TEX9: variants seen among roughly 807,000 people sequenced by gnomAD.
TEX9 encodes testis-expressed protein 9.
Under a neutral mutation model 59.6 loss-of-function variants are expected in TEX9, and 74 were observed. The ratio of observed to expected loss-of-function variants is 1.24; its 90% confidence interval spans 1.03 to 1.51. TEX9 has a LOEUF of 1.51. TEX9 is among the 40% of genes most tolerant of loss of function. TEX9 has a pLI of 0.00. For missense variants in TEX9, 522 were observed against 447.8 expected (o/e 1.17, Z -1.49); for synonymous variants, 186 against 152.2 (o/e 1.22, Z -1.64).
intron 1 of TEX9, among the ~76,000 whole-genome samples, chr15:56,310,678 G>A (rs2141620298): frequency 6.6e-6 from 1 of 152,296 alleles, no homozygotes; most frequent in African/African-American, 2.4e-5. Flanking sequence ...GCCTGGACAG[G>A]TTAAAGATAG....
At chr15:56,430,319 A>G (rs2050549427) in intron 12 of TEX9, among the ~76,000 whole-genome samples, 165 bp downstream of exon 12, 1 of 152,062 alleles carries the variant, frequency 6.6e-6, no homozygotes, top group Non-Finnish European at 1.5e-5. Context: ...CAATCTTCCA[A>G]CCTCAGCCTC....
intron 3 of TEX9, among the ~76,000 whole-genome samples, chr15:56,376,704 T>C (rs2047470665): frequency 6.6e-6 from 1 of 152,120 alleles, no homozygotes; most frequent in African/African-American, 2.4e-5. Context: ...ATTCTGTGGG[T>C]TGTCTCTTTA....
chr15:56,363,443 A>G (rs2046828337), upstream of TEX9, among the ~76,000 whole-genome samples: 1 of 152,022 alleles, frequency 6.6e-6, no homozygotes, highest in Admixed American at 6.6e-5. Context: ...TGCTGGGATT[A>G]CAGGTGTGAG....
chr15:56,405,359 C>T (rs1039130576), intron 9 of TEX9, among the ~76,000 whole-genome samples: 2 of 150,614 alleles, frequency 1.3e-5, no homozygotes, highest in Admixed American at 6.6e-5. Context: ...AAGCAAATTA[C>T]CCAAGGTTAT....
chr15:56,299,085 C>G (rs750034170), intron 1 of TEX9, among the ~76,000 whole-genome samples: 5 of 152,114 alleles, frequency 3.3e-5, no homozygotes, highest in African/African-American at 4.8e-5. Context: ...GATCACAGTA[C>G]CTGGTTTTAA....
At chr15:56,305,377 A>G (rs1363237796) in intron 1 of TEX9, among the ~76,000 whole-genome samples, 5 of 152,208 alleles carry the variant, frequency 3.3e-5, no homozygotes, top group East Asian at 1.9e-4. Flanking sequence ...ACTTCAAATT[A>G]TATTACAGAG....
At chr15:56,347,640 T>TAA (rs35203531) in intron 1 of TEX9, among the ~76,000 whole-genome samples, 6,676 of 152,156 alleles carry the variant, frequency 0.044, 221 homozygotes, top group Admixed American at 0.087. Context: ...GACTTAAACA[T>TAA]AGTTTAAAAG....
intron 9 of TEX9, among the ~76,000 whole-genome samples, chr15:56,401,319 A>C (rs2048762996): frequency 6.7e-6 from 1 of 149,984 alleles, no homozygotes; most frequent in East Asian, 1.9e-4. Flanking sequence ...AAAAAAAAAA[A>C]AAAAAAAAAA....
intron 1 of TEX9, among the ~76,000 whole-genome samples, chr15:56,311,412 C>A (rs200797686): frequency 2.4e-5 from 3 of 125,732 alleles, no homozygotes; most frequent in African/African-American, 5.9e-5. Context: ...TTTGTTCTTG[C>A]GATAGTTTAC....
intron 12 of TEX9, chr15:56,434,001 G>A (rs2050670159): frequency 2.1e-6 from 2 of 958,708 alleles, no homozygotes; most frequent in Admixed American, 2.9e-5. Context: ...AAAATGGTCA[G>A]AAAATTTATA....
At chr15:56,268,257 A>G (rs955061777) in intron 1 of TEX9, among the ~76,000 whole-genome samples, 8 of 152,230 alleles carry the variant, frequency 5.3e-5, no homozygotes, top group Non-Finnish European at 1.0e-4. Flanking sequence ...ATATACAATC[A>G]TGTCATCTGC....
chr15:56,403,814 C>A (rs2048926864), intron 9 of TEX9, among the ~76,000 whole-genome samples: 5 of 152,196 alleles, frequency 3.3e-5, no homozygotes, highest in Admixed American at 3.3e-4. Context: ...ACAGAGCCCT[C>A]AGAAATAATA....
chr15:56,427,693 G>A, exon 11 of TEX9: 1 of 1,518,684 alleles, frequency 6.6e-7, no homozygotes, highest in South Asian at 1.3e-5. Context: ...TTAATGATAG[G>A]GTTCAAGAAA....
chr15:56,313,131 C>T (rs543035949), intron 1 of TEX9, among the ~76,000 whole-genome samples: 41 of 151,740 alleles, frequency 2.7e-4, no homozygotes, highest in African/African-American at 8.5e-4. Context: ...ATTGAATACC[C>T]GTTATTCCCT....
chr15:56,429,044 T>C, intron 12 of TEX9: 1 of 1,122,032 alleles, frequency 8.9e-7, no homozygotes. Flanking sequence ...ACAAAAGTTA[T>C]GCTGACATCT....
intron 3 of TEX9, among the ~76,000 whole-genome samples, chr15:56,377,486 C>T (rs2047514420): frequency 6.6e-6 from 1 of 151,892 alleles, no homozygotes; most frequent in South Asian, 2.1e-4. Context: ...GTTATGTTAA[C>T]TCCTAGGTAT....
intron 1 of TEX9, among the ~76,000 whole-genome samples, chr15:56,294,730 T>C (rs1447170391): frequency 2.0e-5 from 3 of 152,162 alleles, no homozygotes; most frequent in Non-Finnish European, 4.4e-5. Flanking sequence ...GGAAATACCA[T>C]GGTAATGCTT....
intron 12 of TEX9, among the ~76,000 whole-genome samples, chr15:56,437,315 A>T (rs1596256859): frequency 1.3e-5 from 2 of 152,226 alleles, no homozygotes; most frequent in African/African-American, 4.8e-5. Context: ...TTCAACATAC[A>T]CAAATCAATA....
At chr15:56,263,907 A>G (rs1047937807) in intron 1 of TEX9, among the ~76,000 whole-genome samples, 7 of 152,116 alleles carry the variant, frequency 4.6e-5, no homozygotes, top group Admixed American at 2.6e-4. Context: ...GTACTGTATC[A>G]CTGCATGGAT....
Sources: allele counts gnomAD v4.1 joint callset (sites outside exome capture counted in the v4.1 genomes callset), GRCh38; gene constraint gnomAD v4.1.1; transcripts MANE v1.5; gene names NCBI Gene and HGNC (gene_info 2026-07-23, HGNC 2026-07-21).